The following OXR1 variants were observed in gnomAD, a reference collection of about 807,000 sequenced individuals.
OXR1 encodes the protein oxidation resistance 1.
OXR1 carries 41 observed loss-of-function variants against 104.6 expected under a neutral mutation model. That is an observed-to-expected ratio of 0.39 (90% CI 0.31 to 0.51). OXR1 has a LOEUF of 0.51. OXR1 is among the 20% of genes least tolerant of loss of function. The pLI, the probability that OXR1 is intolerant of heterozygous loss-of-function variation, is 0.77. For missense variants in OXR1, 955 were observed against 1,031.9 expected, an observed-to-expected ratio of 0.93 and a Z score of 1.02; for synonymous variants, 348 against 348.4, an observed-to-expected ratio of 1.00 and a Z score of 0.01.
chr8:106,697,401 C>T, intron 7 of OXR1: 1 of 1,387,748 alleles, frequency 7.2e-7, no homozygotes, highest in South Asian at 1.3e-5. Flanking sequence ...CGTGGGAGGG[C>T]AGGGGCAAGG....
intron 3 of OXR1, among the ~76,000 whole-genome samples, chr8:106,578,967 G>C (rs1416243194): frequency 6.9e-6 from 1 of 145,092 alleles, no homozygotes; most frequent in East Asian, 2.0e-4. Context: ...TGACCACCTA[G>C]GTAACCTCAC....
chr8:106,718,851 AAGG>A (rs1043855586), intron 11 of OXR1, among the ~76,000 whole-genome samples: 8 of 151,854 alleles, frequency 5.3e-5, no homozygotes, highest in African/African-American at 1.9e-4. Context: ...AAAAAAAAAA[AAGG>A]AGCTATGCCT....
At chr8:106,324,531 G>C (rs1395935204) in intron 1 of OXR1, among the ~76,000 whole-genome samples, 1 of 144,180 alleles carries the variant, frequency 6.9e-6, no homozygotes, top group African/African-American at 2.8e-5. Context: ...AAGGAAAGGA[G>C]GTTCTATACA....
chr8:106,669,510 G>A (rs1441996378), intron 3 of OXR1, among the ~76,000 whole-genome samples: 3 of 151,802 alleles, frequency 2.0e-5, no homozygotes, highest in Non-Finnish European at 4.4e-5. Flanking sequence ...TTTTTCCCTA[G>A]TATCTCATTA....
chr8:106,432,004 C>T (rs1819379011), intron 2 of OXR1, among the ~76,000 whole-genome samples: 1 of 152,152 alleles, frequency 6.6e-6, no homozygotes, highest in Non-Finnish European at 1.5e-5. Context: ...AAAGTCAACA[C>T]TGTTATATAT....
chr8:106,485,377 A>G lies in OXR1; in HGVS notation c.24-33566A>G, dbSNP rs1044564085. 3.3e-5 allele frequency among the ~76,000 whole-genome samples: 5 copies of G among 152,180 alleles called. No individual in the cohort carries two copies. The East Asian group carries it at 9.7e-4, about 30-fold the overall frequency. ...CAAGTGTAACAAATGTAACATTCTT[A>G]TCTCCCCCTAAATGTTCAGCCTCTT... On this transcript the variant is annotated intron_variant, in intron 2 of 16. Coordinates refer to ENST00000517566, the MANE Select transcript of OXR1 (RefSeq NM_001198533.2).
At chr8:106,366,013 G>A (rs1215904207) in intron 2 of OXR1, among the ~76,000 whole-genome samples, 3 of 152,088 alleles carry the variant, frequency 2.0e-5, no homozygotes, top group African/African-American at 7.2e-5. Flanking sequence ...CTTTTCCAAA[G>A]CCTACTAGAC....
At chr8:106,454,026 A>G (rs563173998) in intron 2 of OXR1, among the ~76,000 whole-genome samples, 2 of 152,342 alleles carry the variant, frequency 1.3e-5, no homozygotes, top group South Asian at 4.1e-4. Context: ...AGATTTTATT[A>G]TATGTCACTC....
intron 16 of OXR1, among the ~76,000 whole-genome samples, chr8:106,748,988 T>C (rs1835647673): frequency 1.3e-5 from 2 of 152,170 alleles, no homozygotes; most frequent in Admixed American, 1.3e-4. Context: ...TTGATGCTGT[T>C]TTTTATTACA....
rs1230898634 is a variant in OXR1 at position 106,694,901 on chromosome 8, TTATC to T, written c.675+2028_675+2031del. 2.4e-4 allele frequency among the ~76,000 whole-genome samples: 32 copies of T among 135,756 alleles called. No individual in the cohort carries two copies. In the South Asian group the frequency reaches 3.3e-3, roughly 14 times the overall value. 89.1% of individuals were successfully genotyped at this position (135,756 alleles called of 152,430 possible). On this transcript the variant is annotated intron_variant, in intron 7 of 16. Transcript: ENST00000517566. ...ATATATATTTAATAGATAAATATAT[TTATC>T]TATTTACATATTTATATATATTTAT...
chr8:106,690,395 T>G (rs1190723785), intron 6 of OXR1, among the ~76,000 whole-genome samples: 1 of 151,178 alleles, frequency 6.6e-6, no homozygotes, highest in African/African-American at 2.4e-5. Flanking sequence ...TTTTAATAGA[T>G]TATACTGTAA....
intron 2 of OXR1, among the ~76,000 whole-genome samples, chr8:106,455,960 AT>A (rs1373322905): frequency 1.3e-5 from 2 of 152,196 alleles, no homozygotes; most frequent in Non-Finnish European, 2.9e-5. Context: ...TTTCTATAAC[AT>A]TTTTATAACT....
intron 3 of OXR1, among the ~76,000 whole-genome samples, chr8:106,557,514 GA>G (rs1407238840): frequency 6.6e-6 from 1 of 151,592 alleles, no homozygotes; most frequent in African/African-American, 2.4e-5. Context: ...TAAATTAGCA[GA>G]AAGCATGGTA....
chr8:106,489,631 C>G (rs1810942081), intron 2 of OXR1, among the ~76,000 whole-genome samples: 1 of 151,896 alleles, frequency 6.6e-6, no homozygotes, highest in Admixed American at 6.6e-5. Flanking sequence ...ATAGACAACA[C>G]AAAATATTTA....
chr8:106,692,019 A>G (rs1332417497), intron 6 of OXR1, among the ~76,000 whole-genome samples: 1 of 150,230 alleles, frequency 6.7e-6, no homozygotes, highest in East Asian at 1.9e-4. Context: ...ATATATACAC[A>G]TATATATATA....
At chr8:106,355,388 G>A (rs1815920097) in intron 1 of OXR1, among the ~76,000 whole-genome samples, 2 of 151,970 alleles carry the variant, frequency 1.3e-5, no homozygotes, top group Admixed American at 1.3e-4. Context: ...ACATTGATAA[G>A]CAATCAATCA....
intron 2 of OXR1, 94 bp from the exon 3 acceptor site, chr8:106,518,849 A>T: frequency 1.2e-6 from 1 of 828,798 alleles, no homozygotes; most frequent in Non-Finnish European, 1.9e-6. Context: ...TCTCAAGGTT[A>T]AATATAACTC....
chr8:106,389,383 G>A (rs1563750460), intron 2 of OXR1, among the ~76,000 whole-genome samples: 2 of 152,198 alleles, frequency 1.3e-5, no homozygotes, highest in Non-Finnish European at 2.9e-5. Flanking sequence ...AATGAGGCAT[G>A]TCTGTATTTG....
rs918888893 is a variant in OXR1 at position 106,394,711 on chromosome 8, G to A, written c.23+35075G>A. ...TACATATTTGACTTCACTTATTTTA[G>A]GGATGGAGAGCAATTTGGTGGTTGC... On this transcript the variant is annotated intron_variant, in intron 2 of 16. Coordinates refer to ENST00000517566, the MANE Select transcript of OXR1 (RefSeq NM_001198533.2). 3.9e-5 allele frequency among the ~76,000 whole-genome samples: 6 copies of A among 152,046 alleles called. No homozygotes were observed. The East Asian group carries it at 1.2e-3, about 29-fold the overall frequency.
Sources: allele counts gnomAD v4.1 joint callset (sites outside exome capture counted in the v4.1 genomes callset), GRCh38; gene constraint gnomAD v4.1.1; transcripts MANE v1.5; gene names NCBI Gene and HGNC (gene_info 2026-07-23, HGNC 2026-07-21).